Variants in NF1 observed in about 807,000 individuals in gnomAD.
NF1 encodes the protein neurofibromin 1.
NF1 carries 122 observed loss-of-function variants against 325.7 expected under a neutral mutation model. The ratio of observed to expected loss-of-function variants is 0.37; its 90% CI spans 0.32 to 0.44. The LOEUF (loss-of-function observed/expected upper bound fraction) is 0.44, where lower values mean the gene tolerates loss of function less well. Ranked by LOEUF, NF1 falls within the 20% of genes least tolerant of loss-of-function variation. The probability of loss-of-function intolerance (pLI) is 1.00; values close to 1 mark genes in which losing one functional copy is unlikely to be tolerated. For synonymous variants in NF1, 1,091 were observed against 1,186.0 expected (o/e 0.92, Z 1.65); for missense variants, 2,140 against 3,415.4 (o/e 0.63, Z 9.31).
At chr17:31,103,222 A>G (rs1190282618) in intron 1 of NF1, among the ~76,000 whole-genome samples, 1 of 152,094 alleles carries the variant, frequency 6.6e-6, no homozygotes, top group Non-Finnish European at 1.5e-5. Context: ...AGGAAATTAG[A>G]TTCTTTTCTC....
intron 39 of NF1, 28 bp from the exon 40 acceptor site, chr17:31,334,810 C>G (rs2069599791): frequency 1.9e-6 from 3 of 1,542,530 alleles, no homozygotes; most frequent in African/African-American, 2.7e-5. Flanking sequence ...CATTGACCAT[C>G]ACATGCTAAT....
At chr17:31,278,035 G>A (rs2151481979) in intron 36 of NF1, 1 of 152,368 alleles carries the variant, frequency 6.6e-6, no homozygotes, top group Non-Finnish European at 1.5e-5. Context: ...GGCTGATGTA[G>A]GAGGATTGCT....
At chr17:31,220,863 A>C (rs1049602427) in intron 14 of NF1, among the ~76,000 whole-genome samples, 2 of 152,190 alleles carry the variant, frequency 1.3e-5, no homozygotes, top group African/African-American at 4.8e-5. Flanking sequence ...TTTTTGTACA[A>C]TAGTAGCAAA....
intron 39 of NF1, among the ~76,000 whole-genome samples, chr17:31,332,207 T>C (rs2069517520): frequency 6.6e-6 from 1 of 152,170 alleles, no homozygotes; most frequent in South Asian, 2.1e-4. Context: ...GGCTCACGCC[T>C]GTAATCCCAG....
chr17:31,189,539 C>T (rs879842240), intron 8 of NF1, among the ~76,000 whole-genome samples: 4 of 152,112 alleles, frequency 2.6e-5, no homozygotes, highest in Non-Finnish European at 4.4e-5. Flanking sequence ...CTGTTCCTCT[C>T]GCCTCACTCG....
chr17:31,241,696 A>T (rs1052995357), intron 29 of NF1, among the ~76,000 whole-genome samples: 4 of 152,158 alleles, frequency 2.6e-5, no homozygotes, highest in Non-Finnish European at 5.9e-5. Context: ...TGTTGTTTTT[A>T]TGTATACCTT....
chr17:31,279,875 T>G (rs2068084105), intron 36 of NF1, among the ~76,000 whole-genome samples: 1 of 152,206 alleles, frequency 6.6e-6, no homozygotes, highest in Non-Finnish European at 1.5e-5. Context: ...TGTTATCTAA[T>G]TTTGGCTTGT....
chr17:31,279,760 A>G (rs2068081723), intron 36 of NF1, among the ~76,000 whole-genome samples: 2 of 152,324 alleles, frequency 1.3e-5, no homozygotes, highest in East Asian at 1.9e-4. Context: ...GAAATCTAAT[A>G]TAGGAAAAAG....
chr17:31,154,301 C>T (rs770865234), intron 1 of NF1, among the ~76,000 whole-genome samples: 21 of 152,046 alleles, frequency 1.4e-4, no homozygotes, highest in Non-Finnish European at 2.8e-4. Context: ...AAGTGATCCA[C>T]CTGCCTTGGT....
intron 57 of NF1, among the ~76,000 whole-genome samples, chr17:31,369,003 A>C (rs1257695927): frequency 1.3e-5 from 2 of 152,202 alleles, no homozygotes; most frequent in East Asian, 3.8e-4. Context: ...AGTTTTTATT[A>C]GTCTGTCATT....
chr17:31,194,832 T>C (rs1297130622), intron 8 of NF1, among the ~76,000 whole-genome samples: 2 of 152,170 alleles, frequency 1.3e-5, no homozygotes, highest in African/African-American at 2.4e-5. Flanking sequence ...GTAAACTTGG[T>C]TGGCTATTGG....
At chr17:31,286,276 G>T (rs1438047907) in intron 36 of NF1, among the ~76,000 whole-genome samples, 1 of 152,060 alleles carries the variant, frequency 6.6e-6, no homozygotes, top group East Asian at 1.9e-4. Flanking sequence ...TGTATTTTTA[G>T]TAGAGACAGG....
intron 4 of NF1, among the ~76,000 whole-genome samples, chr17:31,169,542 TTTTTTG>T (rs1359750130): frequency 1.3e-5 from 2 of 152,030 alleles, no homozygotes; most frequent in Admixed American, 1.3e-4. Context: ...CCCGAAGACT[TTTTTTG>T]TTTTTGTTTT....
intron 5 of NF1, among the ~76,000 whole-genome samples, chr17:31,172,944 T>C (rs2065955710): frequency 1.3e-5 from 2 of 151,966 alleles, no homozygotes; most frequent in South Asian, 4.1e-4. Flanking sequence ...ATCCAGATGA[T>C]GGATTGGGGT....
intron 1 of NF1, among the ~76,000 whole-genome samples, chr17:31,114,365 C>T (rs868517200): frequency 9.0e-4 from 137 of 151,862 alleles, no homozygotes; most frequent in African/African-American, 3.3e-3. Context: ...AGTGAAACCC[C>T]GTTTCTACTA....
At chr17:31,198,901 G>A (rs2143864466) in intron 8 of NF1, among the ~76,000 whole-genome samples, 1 of 152,216 alleles carries the variant, frequency 6.6e-6, no homozygotes, top group Non-Finnish European at 1.5e-5. Context: ...TTACAGGCAT[G>A]AGCCACTGCA....
chr17:31,362,813 A>T (rs1037965782), intron 57 of NF1, among the ~76,000 whole-genome samples: 1 of 152,116 alleles, frequency 6.6e-6, no homozygotes, highest in Non-Finnish European at 1.5e-5. Flanking sequence ...TTTGCCCACT[A>T]ATGGAGACAA....
At chr17:31,218,079 AC>A (rs1263696193) in intron 13 of NF1, among the ~76,000 whole-genome samples, 1 of 152,096 alleles carries the variant, frequency 6.6e-6, no homozygotes, top group African/African-American at 2.4e-5. Flanking sequence ...TTGCTTTGTT[AC>A]CAGCTGTGTG....
At chr17:31,319,493 A>T (rs903386538) in intron 36 of NF1, among the ~76,000 whole-genome samples, 1 of 152,074 alleles carries the variant, frequency 6.6e-6, no homozygotes, top group Non-Finnish European at 1.5e-5. Flanking sequence ...AATAAATGCA[A>T]ATTTTTTTGG....
Sources: gnomAD v4.1 joint callset for allele counts (sites outside exome capture counted in the v4.1 genomes callset) on GRCh38, gnomAD v4.1.1 for gene constraint, MANE v1.5 for transcripts, NCBI Gene and HGNC (gene_info 2026-07-23, HGNC 2026-07-21) for gene names.